Variants in RGS22 observed in about 807,000 individuals in gnomAD.
RGS22 encodes regulator of G-protein signaling 22.
RGS22 carries 148 observed loss-of-function variants against 172.9 expected under a neutral mutation model. The ratio of observed to expected loss-of-function variants is 0.86; its 90% CI spans 0.75 to 0.98. RGS22 has a LOEUF of 0.98. Among genes scored for constraint, RGS22 ranks in the 50% least tolerant of loss-of-function variants. RGS22 has a pLI of 0.00. For missense variants in RGS22, 1,347 were observed against 1,440.8 expected (o/e 0.93, Z 1.05); for synonymous variants, 458 against 480.2 (o/e 0.95, Z 0.60).
intron 2 of RGS22, among the ~76,000 whole-genome samples, chr8:100,100,220 A>G (rs1305148728): frequency 6.6e-6 from 1 of 152,138 alleles, no homozygotes; most frequent in Non-Finnish European, 1.5e-5. Context: ...ATTTCTTACA[A>G]TACCTAATAC....
chr8:100,091,569 A>ATC (rs985148468), intron 3 of RGS22, among the ~76,000 whole-genome samples: 4 of 152,216 alleles, frequency 2.6e-5, no homozygotes, highest in African/African-American at 9.6e-5. Context: ...TTGTTATGTC[A>ATC]TCTCTATAAC....
chr8:99,984,155 G>A (rs1207513687), intron 21 of RGS22, among the ~76,000 whole-genome samples: 1 of 152,026 alleles, frequency 6.6e-6, no homozygotes, highest in Non-Finnish European at 1.5e-5. Context: ...GTGTGGTGGT[G>A]CATGCCTGTA....
At chr8:100,036,741 G>A (rs1195649880) in intron 14 of RGS22, among the ~76,000 whole-genome samples, 1 of 151,912 alleles carries the variant, frequency 6.6e-6, no homozygotes, top group African/African-American at 2.4e-5. Context: ...TACGACTACA[G>A]GTGCACATCA....
At chr8:100,026,411 ATT>A (rs144341615) in intron 14 of RGS22, among the ~76,000 whole-genome samples, 2,914 of 152,324 alleles carry the variant, frequency 0.019, 85 homozygotes, top group East Asian at 0.11. Context: ...ATCTGGTGAC[ATT>A]TACTGACTCA....
chr8:100,021,251 C>T lies in RGS22; in HGVS notation c.2167-12682G>A, dbSNP rs375601391. 2.6e-5 allele frequency among the ~76,000 whole-genome samples: 4 copies of T among 152,266 alleles called. No individual in the cohort carries two copies. In the East Asian group the frequency reaches 5.8e-4, roughly 22 times the overall value. ...TTACTTACATACTCTGTTTAACAGACATCCATTTAAAAAAATATACAGTAA... is the reference window on the plus strand; with the variant it reads ...TTACTTACATACTCTGTTTAACAGATATCCATTTAAAAAAATATACAGTAA... On this transcript the variant is annotated intron_variant, in intron 14 of 27. Transcript: ENST00000360863.
At chr8:100,035,876 C>T (rs544011669) in intron 14 of RGS22, among the ~76,000 whole-genome samples, 1 of 152,294 alleles carries the variant, frequency 6.6e-6, no homozygotes, top group Non-Finnish European at 1.5e-5. Context: ...CCAAACACTG[C>T]ATGTTCTCAC....
chr8:100,104,291 C>T (rs1470260182), intron 2 of RGS22, among the ~76,000 whole-genome samples: 1 of 151,278 alleles, frequency 6.6e-6, no homozygotes, highest in Non-Finnish European at 1.5e-5. Context: ...TACACTCCAG[C>T]CTGGGTGACA....
chr8:100,075,964 C>A (rs1371916352), intron 4 of RGS22, among the ~76,000 whole-genome samples: 1 of 152,052 alleles, frequency 6.6e-6, no homozygotes, highest in East Asian at 1.9e-4. Flanking sequence ...ATTTTGATTC[C>A]ATTTCCCTTA....
intron 15 of RGS22, among the ~76,000 whole-genome samples, chr8:100,006,983 A>C (rs1815794948): frequency 6.6e-6 from 1 of 152,142 alleles, no homozygotes; most frequent in Non-Finnish European, 1.5e-5. Context: ...TATTTAAAAT[A>C]ATGACTGGAG....
intron 10 of RGS22, among the ~76,000 whole-genome samples, chr8:100,049,557 C>T (rs1297870945): frequency 6.6e-6 from 1 of 152,214 alleles, no homozygotes; most frequent in Admixed American, 6.5e-5. Flanking sequence ...TTTCATCAAG[C>T]ACGTCACTTA....
At chr8:100,104,350 G>GTGTT (rs1420874178) in intron 2 of RGS22, among the ~76,000 whole-genome samples, 3 of 146,354 alleles carry the variant, frequency 2.0e-5, no homozygotes, top group African/African-American at 5.5e-5. Flanking sequence ...GTGTGTGTGT[G>GTGTT]TGTGTGTGTG....
chr8:100,105,859 G>A (rs949512355), intron 1 of RGS22, 38 bp downstream of exon 1: 4 of 1,494,072 alleles, frequency 2.7e-6, no homozygotes, highest in East Asian at 2.8e-5. Context: ...CCCCGACGCC[G>A]CGGGCTGATC....
intron 2 of RGS22, among the ~76,000 whole-genome samples, chr8:100,104,274 G>A (rs1364375300): frequency 6.6e-6 from 1 of 152,120 alleles, no homozygotes; most frequent in African/African-American, 2.4e-5. Context: ...AGTTGTGATG[G>A]GGCCACTACA....
chr8:100,052,967 T>A lies in RGS22; in HGVS notation c.1524A>T (p.Arg508Ser). Residue 508 changes from arginine to serine, a missense_variant, in exon 10 of 28, where the codon AGA becomes AGT. Coordinates refer to ENST00000360863, the MANE Select transcript of RGS22 (RefSeq NM_015668.5). ...TTGAGGCTGAATGAGTAACACAGAA[T>A]CTTGGTGCCCTGTTTATTGGAAAAA... ...LKPLLLYWAP[R>S]FCVTHSASTK... 6.2e-7 allele frequency: 1 copy of A among 1,613,690 alleles called. No individual in the cohort carries two copies. The highest frequency in any genetic ancestry group is 8.5e-7 in the Non-Finnish European group (1 of 1,179,818).
At chr8:100,047,710 C>T in intron 10 of RGS22, 114 bp from the exon 11 acceptor site, 3 of 886,994 alleles carry the variant, frequency 3.4e-6, no homozygotes, top group South Asian at 7.0e-5. Flanking sequence ...CCTTTGCCTC[C>T]TACAATGCTT....
chr8:100,059,964 G>A (rs1446916402), intron 9 of RGS22, among the ~76,000 whole-genome samples: 3 of 152,082 alleles, frequency 2.0e-5, no homozygotes, highest in East Asian at 3.9e-4. Flanking sequence ...CGCCTCAAGC[G>A]ATCCTCCTGC....
At chr8:100,081,022 AT>A (rs1811713501) in intron 3 of RGS22, among the ~76,000 whole-genome samples, 1 of 152,138 alleles carries the variant, frequency 6.6e-6, no homozygotes, top group South Asian at 2.1e-4. Flanking sequence ...ATCACTGAAC[AT>A]TTTTGGGGCC....
At chr8:100,010,556 CA>C (rs1220768216) in intron 14 of RGS22, among the ~76,000 whole-genome samples, 4 of 152,180 alleles carry the variant, frequency 2.6e-5, no homozygotes, top group Non-Finnish European at 5.9e-5. Flanking sequence ...CCAACAATCA[CA>C]ATTTCTGCTG....
chr8:100,022,950 G>A (rs548494656), intron 14 of RGS22, among the ~76,000 whole-genome samples: 208 of 151,848 alleles, frequency 1.4e-3, no homozygotes, highest in African/African-American at 4.5e-3. Context: ...GGCTGGTCTC[G>A]AACTCCTAGG....
Sources: allele counts gnomAD v4.1 joint callset (sites outside exome capture counted in the v4.1 genomes callset), GRCh38; gene constraint gnomAD v4.1.1; transcripts MANE v1.5; gene names NCBI Gene and HGNC (gene_info 2026-07-23, HGNC 2026-07-21).